NTM: variants seen among roughly 807,000 people sequenced by gnomAD.
NTM encodes IgLON family member 2.
Under a neutral mutation model 42.1 loss-of-function variants are expected in NTM, and 13 were observed. The observed-to-expected ratio is 0.31, with a 90% confidence interval of 0.20 to 0.49. NTM has a LOEUF of 0.49. Among genes scored for constraint, NTM ranks in the 20% least tolerant of loss-of-function variants. NTM has a pLI of 0.99. For missense variants in NTM, 373 were observed against 452.8 expected (o/e 0.82, Z 1.60); for synonymous variants, 187 against 179.2 (o/e 1.04, Z -0.35).
chr11:132,299,706 A>G (rs904255291), intron 4 of NTM, among the ~76,000 whole-genome samples: 2 of 152,192 alleles, frequency 1.3e-5, no homozygotes, highest in Non-Finnish European at 2.9e-5. Context: ...GTTGGGCTCT[A>G]TGTTTGTTAT....
intron 3 of NTM, among the ~76,000 whole-genome samples, chr11:132,200,775 A>G (rs1038709742): frequency 5.9e-5 from 9 of 152,264 alleles, no homozygotes; most frequent in Middle Eastern, 3.4e-3. Flanking sequence ...GTTGACCTCC[A>G]TTTGACCTGA....
At chr11:132,047,667 A>G (rs549410176) in intron 2 of NTM, among the ~76,000 whole-genome samples, 2 of 152,222 alleles carry the variant, frequency 1.3e-5, no homozygotes, top group Non-Finnish European at 2.9e-5. Context: ...CCCGGTGGCC[A>G]GGCAGGGCAG....
intron 1 of NTM, among the ~76,000 whole-genome samples, chr11:131,595,555 TA>T (rs2059744374): frequency 6.6e-6 from 1 of 152,180 alleles, no homozygotes; most frequent in South Asian, 2.1e-4. Flanking sequence ...CCCCTTATTC[TA>T]AAACACACAT....
intron 1 of NTM, among the ~76,000 whole-genome samples, chr11:131,411,219 G>A (rs948118234): frequency 1.3e-5 from 2 of 152,170 alleles, no homozygotes; most frequent in Non-Finnish European, 2.9e-5. Context: ...GGAAGTCCAT[G>A]TGCATCACTT....
chr11:132,259,776 GTC>G (rs1435256006), intron 4 of NTM, among the ~76,000 whole-genome samples: 1 of 151,942 alleles, frequency 6.6e-6, no homozygotes, highest in Non-Finnish European at 1.5e-5. Flanking sequence ...TTGAGACGGA[GTC>G]TCTCTCTGTC....
At chr11:131,377,576 A>T (rs1206267206) in intron 1 of NTM, among the ~76,000 whole-genome samples, 1 of 152,222 alleles carries the variant, frequency 6.6e-6, no homozygotes, top group Non-Finnish European at 1.5e-5. Flanking sequence ...TTTGCTATCC[A>T]ATCATCACAT....
intron 1 of NTM, among the ~76,000 whole-genome samples, chr11:131,543,218 T>C (rs1258829113): frequency 6.6e-6 from 1 of 152,204 alleles, no homozygotes; most frequent in Non-Finnish European, 1.5e-5. Flanking sequence ...TCAATCTTCT[T>C]TTCTAGCTAA....
At chr11:131,439,890 T>C (rs1021078699) in intron 1 of NTM, among the ~76,000 whole-genome samples, 2 of 151,476 alleles carry the variant, frequency 1.3e-5, no homozygotes, top group Non-Finnish European at 2.9e-5. Flanking sequence ...ATCTTCTGCA[T>C]TGATTACGCT....
intron 1 of NTM, among the ~76,000 whole-genome samples, chr11:131,789,660 G>GAA (rs1429167345): frequency 7.4e-6 from 1 of 134,626 alleles, no homozygotes; most frequent in Non-Finnish European, 1.6e-5. Flanking sequence ...AGAAGAAGAA[G>GAA]AAGAAGAAAG....
chr11:131,748,062 G>A (rs2082038344), intron 1 of NTM, among the ~76,000 whole-genome samples: 1 of 152,168 alleles, frequency 6.6e-6, no homozygotes, highest in African/African-American at 2.4e-5. Context: ...AAGCGTTGAT[G>A]GTACTGTTCA....
rs918197268 is a variant in NTM at position 131,738,264 on chromosome 11, T to A, written c.83-173300T>A. Reference sequence around the variant, plus strand: ...TGAGTTGCTTGCCACAGTGTGGGGGTGAATGGCGGTGGCTCTGGGGTACCC... The same window carrying A: ...TGAGTTGCTTGCCACAGTGTGGGGGAGAATGGCGGTGGCTCTGGGGTACCC... On this transcript the variant is annotated intron_variant, in intron 1 of 8. Transcript: ENST00000683400. Among the ~76,000 whole-genome samples the A allele has an allele frequency of 1.1e-4, 17 of 152,188 alleles. No individual in the cohort carries two copies. The South Asian group carries it at 1.2e-3, about 11-fold the overall frequency.
intron 3 of NTM, among the ~76,000 whole-genome samples, chr11:132,166,610 G>A (rs1218221369): frequency 6.6e-6 from 1 of 152,174 alleles, no homozygotes; most frequent in Admixed American, 6.5e-5. Context: ...AGGTAATTTT[G>A]CATTCCTGGA....
rs373093612 is a variant in NTM at position 131,691,812 on chromosome 11, G to A, written c.83-219752G>A. On this transcript the variant is annotated intron_variant, in intron 1 of 8. Coordinates refer to ENST00000683400, the MANE Select transcript of NTM (RefSeq NM_001352005.2). Reference sequence around the variant, plus strand: ...GGAGGCGGCGCATCCACACAGCTCCGCCAGGTGCCAGGCGTCTTTCGTGTG... The same window carrying A: ...GGAGGCGGCGCATCCACACAGCTCCACCAGGTGCCAGGCGTCTTTCGTGTG... Among the ~76,000 whole-genome samples the A allele has an allele frequency of 1.1e-4, 17 of 152,354 alleles. No individual in the cohort carries two copies. In the East Asian group the frequency reaches 2.1e-3, roughly 19 times the overall value.
chr11:131,828,014 C>G (rs1214722840), intron 1 of NTM, among the ~76,000 whole-genome samples: 1 of 151,978 alleles, frequency 6.6e-6, no homozygotes, highest in African/African-American at 2.4e-5. Context: ...TGGTTAGGCT[C>G]ATGACTCTGG....
At chr11:131,405,989 C>T (rs753290606) in intron 1 of NTM, among the ~76,000 whole-genome samples, 3 of 152,194 alleles carry the variant, frequency 2.0e-5, no homozygotes, top group Non-Finnish European at 4.4e-5. Context: ...TTCTCTTTCA[C>T]CCTATTTACT....
chr11:131,490,283 T>A (rs1954642919), intron 1 of NTM, among the ~76,000 whole-genome samples: 1 of 152,180 alleles, frequency 6.6e-6, no homozygotes, highest in South Asian at 2.1e-4. Context: ...CCCCCTAACC[T>A]GCTACATGAG....
At position 131,461,994 on chromosome 11, in the gene NTM, C is replaced by T. The variant is rs1006587224; in HGVS notation, c.82+91106C>T. 5.3e-5 allele frequency among the ~76,000 whole-genome samples: 8 copies of T among 152,094 alleles called. No homozygotes were observed. The South Asian group carries it at 6.2e-4, about 12-fold the overall frequency. The stretch of plus-strand genomic sequence containing the variant: ...TGCAAATTTTTGCAACAGCTTTATT[C>T]GTACTTTTCAAAAACTGGAAACAAC... On this transcript the variant is annotated intron_variant, in intron 1 of 8. Coordinates refer to ENST00000683400, the MANE Select transcript of NTM (RefSeq NM_001352005.2).
chr11:131,570,053 C>T (rs2057306831), intron 1 of NTM, among the ~76,000 whole-genome samples: 1 of 152,228 alleles, frequency 6.6e-6, no homozygotes. Flanking sequence ...TTAATTTCTG[C>T]ATTCTTCCCA....
chr11:131,811,775 T>C (rs184250684), intron 1 of NTM, among the ~76,000 whole-genome samples: 245 of 152,242 alleles, frequency 1.6e-3, no homozygotes, highest in Non-Finnish European at 3.0e-3. Flanking sequence ...GAGGGGAAGA[T>C]AAGAGGCACA....
Sources: allele counts gnomAD v4.1 joint callset (sites outside exome capture counted in the v4.1 genomes callset), GRCh38; gene constraint gnomAD v4.1.1; transcripts MANE v1.5; gene names NCBI Gene and HGNC (gene_info 2026-07-23, HGNC 2026-07-21).